Variants in LLPH observed in about 807,000 individuals in gnomAD.
LLPH encodes protein LLP homolog.
In LLPH, 5 loss-of-function variants were observed where a neutral mutation model predicts 13.3. The observed-to-expected ratio is 0.38, with a 90% CI of 0.20 to 0.79. The LOEUF is 0.79. LLPH is among the 30% of genes least tolerant of loss of function. The pLI, the probability that LLPH is intolerant of heterozygous loss-of-function variation, is 0.45. For missense variants in LLPH, 129 were observed against 152.1 expected, an observed-to-expected ratio of 0.85 and a Z score of 0.80; for synonymous variants, 32 against 44.2, an observed-to-expected ratio of 0.72 and a Z score of 1.09.
rs566803019 is a variant in LLPH, at chr12:66,117,710, T to G, written c.*6130A>C. The G allele has an allele frequency of 3.7e-4, 56 of 152,358 alleles. No individual in the cohort carries two copies. The highest frequency in any genetic ancestry group is 1.3e-3 in the African/African-American group (54 of 41,594). 9.4% of individuals were successfully genotyped at this position (152,358 alleles called of 1,614,324 possible). A position where few individuals can be genotyped will look rare whatever the true frequency, so the allele number is the denominator to read the frequency against. On this transcript the variant is annotated 3_prime_UTR_variant, in exon 3 of 3. Transcript: ENST00000266604. ...TGTTGCTCTCATAGGAGATGGCAAC[T>G]CCATGCCTGTTATTGCCCCTGAAGG...
intron 2 of LLPH, among the ~76,000 whole-genome samples, chr12:66,124,802 G>C (rs976419230): frequency 1.3e-5 from 2 of 152,228 alleles, no homozygotes; most frequent in Non-Finnish European, 2.9e-5. Flanking sequence ...TTTAGGTGCT[G>C]TTCTAGTTTA....
chr12:66,125,141 T>C (rs1167617915), intron 2 of LLPH, among the ~76,000 whole-genome samples: 3 of 152,176 alleles, frequency 2.0e-5, no homozygotes, highest in African/African-American at 4.8e-5. Flanking sequence ...ATGGCAGTGA[T>C]ATAAACTGAT....
In LLPH at chr12:66,117,233, AC is replaced by A. The variant is rs2051434250; in HGVS notation, c.*6606del. On this transcript the variant is annotated 3_prime_UTR_variant, in exon 3 of 3. Coordinates refer to ENST00000266604, the MANE Select transcript of LLPH (RefSeq NM_032338.4). ...ACAGTTGCATCTGTACTGAACATGTACCGACTTTTTTTCTTATCATTATTCC... is the reference window on the plus strand; with the variant it reads ...ACAGTTGCATCTGTACTGAACATGTACGACTTTTTTTCTTATCATTATTCC... 1.3e-5 allele frequency: 2 copies of A among 152,254 alleles called. No individual in the cohort carries two copies. Among genetic ancestry groups the A allele is most frequent in the African/African-American group, 4.8e-5 (2 of 41,460 alleles). 9.4% of individuals were successfully genotyped at this position (152,254 alleles called of 1,614,324 possible).
At position 66,118,455 on chromosome 12, in the gene LLPH, C is replaced by T. The variant is rs1245277005; in HGVS notation, c.*5385G>A. On this transcript the variant is annotated 3_prime_UTR_variant, in exon 3 of 3. Transcript: ENST00000266604. The stretch of plus-strand genomic sequence containing the variant: ...CTTACTCATTGACTCACCCCAAGCA[C>T]GAGTCCTCCAAGCACTATTCATAAG... The T allele has an allele frequency of 2.0e-5, 3 of 151,814 alleles. No individual in the cohort carries two copies. The highest frequency in any genetic ancestry group is 7.3e-5 in the African/African-American group (3 of 41,306). 9.4% of individuals were successfully genotyped at this position (151,814 alleles called of 1,614,324 possible). A position where few individuals can be genotyped will look rare whatever the true frequency, so the allele number is the denominator to read the frequency against.
intron 2 of LLPH, 101 bp downstream of exon 2, chr12:66,128,795 A>G: frequency 1.3e-6 from 1 of 781,034 alleles, no homozygotes; most frequent in Non-Finnish European, 2.1e-6. Context: ...GCAGGAAGCT[A>G]TAATCACACC....
In LLPH at chr12:66,122,274, T is replaced by C. The variant is rs2051468112; in HGVS notation, c.*1566A>G. 1 of 152,230 alleles carries C rather than the reference T, an allele frequency of 6.6e-6. No homozygotes were observed. Among genetic ancestry groups the C allele is most frequent in the African/African-American group, 2.4e-5 (1 of 41,450 alleles). 9.4% of individuals were successfully genotyped at this position (152,230 alleles called of 1,614,324 possible). ...CTTTATTACAATACATGTCCATGTA[T>C]TGTGCCCCAATTTAGCAGTGTGCCT... On this transcript the variant is annotated 3_prime_UTR_variant, in exon 3 of 3. Transcript: ENST00000266604.
Position 66,120,773 on chromosome 12 carries a change from G to A in LLPH, c.*3067C>T. 6.6e-6 allele frequency: 1 copy of A among 152,170 alleles called. No homozygotes were observed. The highest frequency in any genetic ancestry group is 2.1e-4 in the South Asian group (1 of 4,832). The allele number at this position is 152,170 out of a possible 1,614,324, so 9.4% of individuals were successfully genotyped here. A position where few individuals can be genotyped will look rare whatever the true frequency, so the allele number is the denominator to read the frequency against. On this transcript the variant is annotated 3_prime_UTR_variant, in exon 3 of 3. Transcript: ENST00000266604. Reference sequence around the variant, plus strand: ...ATTATTTAAAAGATAAAAGGACTATGCTATACTTCTCGATTTGTAATCTTT... The same window carrying A: ...ATTATTTAAAAGATAAAAGGACTATACTATACTTCTCGATTTGTAATCTTT...
rs1023085263 is a variant in LLPH, at chr12:66,121,948, C to T, written c.*1892G>A. 4.7e-5 allele frequency: 7 copies of T among 149,342 alleles called. No homozygotes were observed. Among genetic ancestry groups the T allele is most frequent in the African/African-American group, 1.5e-4 (6 of 40,702 alleles). The allele number at this position is 149,342 out of a possible 1,614,324, so 9.3% of individuals were successfully genotyped here. ...GTATTTAGGCTGATATTGTCAGTGG[C>T]TTAACTGGTTGTTTGCAATTTTTTT... On this transcript the variant is annotated 3_prime_UTR_variant, in exon 3 of 3. Coordinates refer to ENST00000266604, the MANE Select transcript of LLPH (RefSeq NM_032338.4).
rs149213577 is a variant in LLPH, at chr12:66,129,002, T to C, written c.105A>G (p.Leu35=). The C allele has an allele frequency of 2.3e-4, 364 of 1,612,076 alleles. 1 individual carries two copies. The African/African-American group carries it at 4.5e-3, about 20-fold the overall frequency. ...EASRLKSILK[L]DGDVLMKDVQ... ...CATCTTTCATTAAAACATCACCGTC[T>C]AGTTTGAGAATACTTTTAAGCCTGC... Residue 35 remains leucine, a synonymous_variant, in exon 2 of 3, where the codon CTA becomes CTG. Coordinates refer to ENST00000266604, the MANE Select transcript of LLPH (RefSeq NM_032338.4).
At chr12:66,129,810 C>T (rs1237509362) in intron 1 of LLPH, among the ~76,000 whole-genome samples, 1 of 152,170 alleles carries the variant, frequency 6.6e-6, no homozygotes, top group African/African-American at 2.4e-5. Context: ...TCTTCATTAT[C>T]CATCCTCTCA....
intron 2 of LLPH, among the ~76,000 whole-genome samples, chr12:66,125,474 GA>G (rs1244027252): frequency 1.3e-5 from 2 of 152,072 alleles, no homozygotes; most frequent in African/African-American, 4.8e-5. Flanking sequence ...GTAGAGATGA[GA>G]GCCAAATTGA....
rs2051446461 is a variant in LLPH, at chr12:66,118,908, TAC to T, written c.*4930_*4931del. On this transcript the variant is annotated 3_prime_UTR_variant, in exon 3 of 3. Transcript: ENST00000266604. ...CCCGATAGATTCTGAAGGATAACTC[TAC>T]AGTGTTTGAATCCATTTTGCTACAT... 6.6e-6 allele frequency: 1 copy of T among 152,290 alleles called. No homozygotes were observed. Among genetic ancestry groups the T allele is most frequent in the African/African-American group, 2.4e-5 (1 of 41,564 alleles). The allele number at this position is 152,290 out of a possible 1,614,324, so 9.4% of individuals were successfully genotyped here. A position where few individuals can be genotyped will look rare whatever the true frequency, so the allele number is the denominator to read the frequency against.
Position 66,118,641 on chromosome 12 carries a change from C to A in LLPH, c.*5199G>T, listed in dbSNP as rs998280782. ...GTAGCCTAGAAGCAATAGGCTATAT[C>A]ACATAGCCTAAGTGTAGTAGACGAT... On this transcript the variant is annotated 3_prime_UTR_variant, in exon 3 of 3. Transcript: ENST00000266604. 6.6e-6 allele frequency: 1 copy of A among 152,142 alleles called. No homozygotes were observed. The highest frequency in any genetic ancestry group is 1.5e-5 in the Non-Finnish European group (1 of 68,034). 9.4% of individuals were successfully genotyped at this position (152,142 alleles called of 1,614,324 possible).
Position 66,117,340 on chromosome 12 carries a change from G to A in LLPH, c.*6500C>T, listed in dbSNP as rs571791685. The A allele has an allele frequency of 6.6e-6, 1 of 152,264 alleles. No individual in the cohort carries two copies. The highest frequency in any genetic ancestry group is 2.1e-4 in the South Asian group (1 of 4,828). 9.4% of individuals were successfully genotyped at this position (152,264 alleles called of 1,614,324 possible). A position where few individuals can be genotyped will look rare whatever the true frequency, so the allele number is the denominator to read the frequency against. On this transcript the variant is annotated 3_prime_UTR_variant, in exon 3 of 3. Coordinates refer to ENST00000266604, the MANE Select transcript of LLPH (RefSeq NM_032338.4). ...TAGAGATGATTTAAAGTACAGTCAT[G>A]CATTGCATGATGACATTTCAGTCAA...
chr12:66,129,047 C>T lies in LLPH; in HGVS notation c.60G>A (p.Lys20=). The part of the protein sequence containing the change: ...KRKMRAEKRK[K]NAPKEASRLK... ...GCCTGCTGGCCTCCTTTGGGGCATT[C>T]TTTTTTCTCTTTTCAGCACGCATCT... Residue 20 remains lysine (K), a synonymous_variant, in exon 2 of 3, where the codon AAG becomes AAA. Transcript: ENST00000266604. 1.2e-6 allele frequency: 2 copies of T among 1,612,616 alleles called. No homozygotes were observed. The highest frequency in any genetic ancestry group is 1.7e-6 in the Non-Finnish European group (2 of 1,178,924).
At position 66,120,752 on chromosome 12, in the gene LLPH, T is replaced by C. The variant is rs576832668; in HGVS notation, c.*3088A>G. Reference sequence around the variant, plus strand: ...AAATTTCAAAAAAATAAGCTAATTATTTAAAAGATAAAAGGACTATGCTAT... The same window carrying C: ...AAATTTCAAAAAAATAAGCTAATTACTTAAAAGATAAAAGGACTATGCTAT... On this transcript the variant is annotated 3_prime_UTR_variant, in exon 3 of 3. Coordinates refer to ENST00000266604, the MANE Select transcript of LLPH (RefSeq NM_032338.4). The C allele has an allele frequency of 2.6e-5, 4 of 152,350 alleles. No individual in the cohort carries two copies. Among genetic ancestry groups the C allele is most frequent in the Non-Finnish European group, 4.4e-5 (3 of 68,030 alleles). The allele number at this position is 152,350 out of a possible 1,614,324, so 9.4% of individuals were successfully genotyped here.
At chr12:66,128,166 A>C (rs1309748057) in intron 2 of LLPH, among the ~76,000 whole-genome samples, 1 of 152,188 alleles carries the variant, frequency 6.6e-6, no homozygotes, top group Non-Finnish European at 1.5e-5. Flanking sequence ...AAAGTTAAAA[A>C]CAGCCATTTT....
rs2051468978 is a variant in LLPH at position 66,122,439 on chromosome 12, A to C, written c.*1401T>G. 6.6e-6 allele frequency: 1 copy of C among 152,140 alleles called. No individual in the cohort carries two copies. Among genetic ancestry groups the C allele is most frequent in the African/African-American group, 2.4e-5 (1 of 41,412 alleles). 9.4% of individuals were successfully genotyped at this position (152,140 alleles called of 1,614,324 possible). On this transcript the variant is annotated 3_prime_UTR_variant, in exon 3 of 3. Coordinates refer to ENST00000266604, the MANE Select transcript of LLPH (RefSeq NM_032338.4). ...TGAGAGCAGAAATCTTATCTTATTC[A>C]ATCTGTCCCAAGCATCTGGAAAGTC...
intron 1 of LLPH, among the ~76,000 whole-genome samples, chr12:66,129,469 T>C (rs1344240622): frequency 6.6e-6 from 1 of 151,560 alleles, no homozygotes; most frequent in Non-Finnish European, 1.5e-5. Flanking sequence ...CACTGCAACC[T>C]CCACCTCTCA....
Sources: gnomAD v4.1 joint callset for allele counts (sites outside exome capture counted in the v4.1 genomes callset) on GRCh38, gnomAD v4.1.1 for gene constraint, MANE v1.5 for transcripts, NCBI Gene and HGNC (gene_info 2026-07-23, HGNC 2026-07-21) for gene names.